WWOX: variants seen among roughly 807,000 people sequenced by gnomAD.
WWOX encodes the protein WW domain-containing oxidoreductase.
A neutral mutation model predicts 46.2 loss-of-function variants in WWOX; 69 were observed. That is an observed-to-expected ratio of 1.49 (90% CI 1.23 to 1.82). The LOEUF is 1.82. Among genes scored for constraint, WWOX ranks in the 40% most tolerant of loss-of-function variants. The pLI is 0.00. For synonymous variants in WWOX, 359 were observed against 202.6 expected, an observed-to-expected ratio of 1.77 and a Z score of -6.56; for missense variants, 919 against 542.6, an observed-to-expected ratio of 1.69 and a Z score of -6.89.
intron 8 of WWOX, chr16:79,101,559 T>G (rs899889663): frequency 2.6e-5 from 4 of 152,152 alleles, no homozygotes; most frequent in African/African-American, 9.7e-5. Context: ...CCTGGGAATT[T>G]GCTTCTTATC....
chr16:78,824,576 C>A (rs9936256), intron 8 of WWOX, among the ~76,000 whole-genome samples: 1 of 151,894 alleles, frequency 6.6e-6, no homozygotes, highest in Non-Finnish European at 1.5e-5. Flanking sequence ...CTTACAGTTC[C>A]GCACGGCTGG....
intron 8 of WWOX, among the ~76,000 whole-genome samples, chr16:78,595,137 C>G (rs1221050430): frequency 6.6e-6 from 1 of 152,192 alleles, no homozygotes; most frequent in East Asian, 1.9e-4. Context: ...TGCAAACCTG[C>G]AAAAGCAACC....
chr16:78,132,277 C>A (rs1279955354), intron 4 of WWOX, among the ~76,000 whole-genome samples: 1 of 152,028 alleles, frequency 6.6e-6, no homozygotes, highest in Non-Finnish European at 1.5e-5. Flanking sequence ...CTGCCCACCT[C>A]AGCCTCCCAA....
chr16:78,353,233 T>A (rs573493367), intron 5 of WWOX, among the ~76,000 whole-genome samples: 1 of 152,174 alleles, frequency 6.6e-6, no homozygotes, highest in Admixed American at 6.5e-5. Context: ...ATTGTTTATG[T>A]AGGGGCCCGT....
intron 8 of WWOX, among the ~76,000 whole-genome samples, chr16:79,199,744 G>C (rs2051310526): frequency 6.6e-6 from 1 of 152,170 alleles, no homozygotes; most frequent in Admixed American, 6.5e-5. Flanking sequence ...GTAGAGGACA[G>C]ATTTTCAACC....
intron 8 of WWOX, among the ~76,000 whole-genome samples, chr16:78,999,448 C>T (rs1036671436): frequency 2.6e-5 from 4 of 152,114 alleles, no homozygotes; most frequent in African/African-American, 4.8e-5. Flanking sequence ...CCAGCCTGGG[C>T]AGCAGGAGCG....
In WWOX at chr16:79,119,166, G is replaced by A. The variant is rs539321124; in HGVS notation, c.1057-92442G>A. ...AGAAGCAGCACTGAAGTCCAGTTTCGTCTAACCAGTATTGAGTGCTCATTA... is the reference window on the plus strand; with the variant it reads ...AGAAGCAGCACTGAAGTCCAGTTTCATCTAACCAGTATTGAGTGCTCATTA... On this transcript the variant is annotated intron_variant, in intron 8 of 8. Transcript: ENST00000566780. Among the ~76,000 whole-genome samples, 299 of 150,416 alleles carry A rather than the reference G, an allele frequency of 2.0e-3. 1 individual carries two copies. Among genetic ancestry groups the A allele is most frequent in the Middle Eastern group, 3.5e-3 (1 of 288 alleles).
intron 8 of WWOX, among the ~76,000 whole-genome samples, chr16:78,959,686 A>T (rs1316032420): frequency 6.6e-6 from 1 of 152,160 alleles, no homozygotes; most frequent in Admixed American, 6.5e-5. Context: ...GCAGGCTCAG[A>T]CACTGATGAG....
chr16:79,043,596 C>T (rs993069401), intron 8 of WWOX, among the ~76,000 whole-genome samples: 1 of 152,132 alleles, frequency 6.6e-6, no homozygotes, highest in Admixed American at 6.5e-5. Context: ...CATTATAACC[C>T]TAATGTTTGC....
At position 78,102,432 on chromosome 16, in the gene WWOX, G is replaced by A. The variant is rs550891950; in HGVS notation, c.107+2547G>A. The stretch of plus-strand genomic sequence containing the variant: ...GGCTCTGTTGGCAGAGCCAGAGAGT[G>A]GCATTCATTCAGCTTGTGAATTCTG... On this transcript the variant is annotated intron_variant, in intron 1 of 8. Coordinates refer to ENST00000566780, the MANE Select transcript of WWOX (RefSeq NM_016373.4). 1.7e-3 allele frequency among the ~76,000 whole-genome samples: 252 copies of A among 152,312 alleles called. 1 individual carries two copies. The highest frequency in any genetic ancestry group is 0.014 in the Middle Eastern group (4 of 294).
intron 5 of WWOX, among the ~76,000 whole-genome samples, chr16:78,356,758 TG>T (rs1420374684): frequency 6.6e-6 from 1 of 152,120 alleles, no homozygotes; most frequent in African/African-American, 2.4e-5. Context: ...GGCATGAGCC[TG>T]TAATCCCAGC....
chr16:78,324,059 T>C (rs1323328654), intron 5 of WWOX, among the ~76,000 whole-genome samples: 1 of 152,098 alleles, frequency 6.6e-6, no homozygotes, highest in Admixed American at 6.5e-5. Flanking sequence ...AATTTACAGG[T>C]AGTTTAAGTG....
chr16:78,681,737 C>T (rs1263596292), intron 8 of WWOX, among the ~76,000 whole-genome samples: 1 of 152,196 alleles, frequency 6.6e-6, no homozygotes, highest in East Asian at 1.9e-4. Flanking sequence ...GGGACAGTTT[C>T]CAATACTCAG....
chr16:78,426,233 C>T (rs974653885), intron 7 of WWOX, among the ~76,000 whole-genome samples: 14 of 152,090 alleles, frequency 9.2e-5, no homozygotes, highest in African/African-American at 3.4e-4. Context: ...TGGAGTGGCC[C>T]TGTTAAGGGG....
At chr16:78,605,046 C>G (rs1567430584) in intron 8 of WWOX, among the ~76,000 whole-genome samples, 1 of 139,412 alleles carries the variant, frequency 7.2e-6, no homozygotes, top group African/African-American at 2.7e-5. Flanking sequence ...TCTTTTCTTT[C>G]CTTTTTAAAT....
At chr16:78,472,374 T>G (rs146365893) in intron 8 of WWOX, among the ~76,000 whole-genome samples, 1 of 152,178 alleles carries the variant, frequency 6.6e-6, no homozygotes, top group Non-Finnish European at 1.5e-5. Context: ...ATGAAAAACT[T>G]TGGGGCCTTG....
intron 8 of WWOX, among the ~76,000 whole-genome samples, chr16:78,450,308 A>C (rs2083662752): frequency 6.6e-6 from 1 of 152,198 alleles, no homozygotes; most frequent in African/African-American, 2.4e-5. Context: ...GAAAAAAGAA[A>C]GTGAAATATT....
At chr16:78,909,699 A>G (rs553907714) in intron 8 of WWOX, among the ~76,000 whole-genome samples, 25 of 152,334 alleles carry the variant, frequency 1.6e-4, no homozygotes, top group African/African-American at 5.8e-4. Context: ...CCAGGAGTAC[A>G]TAGTTTGTTC....
rs138737565 is a variant in WWOX at position 78,533,555 on chromosome 16, A to C, written c.1056+100803A>C. On this transcript the variant is annotated intron_variant, in intron 8 of 8. Coordinates refer to ENST00000566780, the MANE Select transcript of WWOX (RefSeq NM_016373.4). The stretch of plus-strand genomic sequence containing the variant: ...AAGCTTAGTCTACAGGTTCTTCAAG[A>C]GGGGCTTGAGCATTTGAAAGACTTC... 5.1e-3 allele frequency among the ~76,000 whole-genome samples: 771 copies of C among 152,296 alleles called. 10 individuals carry two copies. The highest frequency in any genetic ancestry group is 0.018 in the African/African-American group (750 of 41,556).
Sources: gnomAD v4.1 joint callset for allele counts (sites outside exome capture counted in the v4.1 genomes callset) on GRCh38, gnomAD v4.1.1 for gene constraint, MANE v1.5 for transcripts, NCBI Gene and HGNC (gene_info 2026-07-23, HGNC 2026-07-21) for gene names.